The following CCSER1 variants were observed in gnomAD, a reference collection of about 807,000 sequenced individuals.
CCSER1 encodes serine-rich coiled-coil domain-containing protein 1.
Under a neutral mutation model 82.0 loss-of-function variants are expected in CCSER1, and 41 were observed. That is an observed-to-expected ratio of 0.50 (90% CI 0.39 to 0.65). CCSER1 has a LOEUF of 0.65. Among genes scored for constraint, CCSER1 ranks in the 30% least tolerant of loss-of-function variants. CCSER1 has a pLI of 0.00. For missense variants in CCSER1, 1,119 were observed against 1,064.2 expected, an observed-to-expected ratio of 1.05 and a Z score of -0.72; for synonymous variants, 414 against 383.9, an observed-to-expected ratio of 1.08 and a Z score of -0.92.
At chr4:91,329,554 C>T (rs1049046569) in intron 10 of CCSER1, among the ~76,000 whole-genome samples, 15 of 152,224 alleles carry the variant, frequency 9.9e-5, no homozygotes, top group African/African-American at 2.4e-4. Context: ...TTTTGGAGAA[C>T]GAAAACTCCA....
At chr4:90,692,334 T>G (rs1736161867) in intron 6 of CCSER1, among the ~76,000 whole-genome samples, 1 of 151,910 alleles carries the variant, frequency 6.6e-6, no homozygotes, top group Admixed American at 6.6e-5. Context: ...TGCTGCTCAT[T>G]TCTAACTTCA....
chr4:91,464,415 A>AC (rs1560692373), intron 10 of CCSER1, among the ~76,000 whole-genome samples: 2 of 152,194 alleles, frequency 1.3e-5, no homozygotes, highest in African/African-American at 4.8e-5. Context: ...AAATATAAAG[A>AC]CCATCGATGC....
intron 8 of CCSER1, among the ~76,000 whole-genome samples, chr4:90,875,230 G>T (rs7689600): frequency 0.013 from 1,932 of 152,180 alleles, 35 homozygotes; most frequent in African/African-American, 0.044. Flanking sequence ...TCACATCAAA[G>T]AAAAGGGGGA....
At chr4:91,473,082 G>A (rs1560699373) in intron 10 of CCSER1, among the ~76,000 whole-genome samples, 1 of 152,104 alleles carries the variant, frequency 6.6e-6, no homozygotes, top group African/African-American at 2.4e-5. Context: ...CCAATGCCCA[G>A]TATTACATGG....
chr4:91,342,307 A>T (rs551242892), intron 10 of CCSER1, among the ~76,000 whole-genome samples: 4 of 152,340 alleles, frequency 2.6e-5, no homozygotes, highest in African/African-American at 9.6e-5. Context: ...ATCTAAAGCT[A>T]GACATATTAG....
intron 5 of CCSER1, among the ~76,000 whole-genome samples, chr4:90,559,809 C>CA (rs1236087772): frequency 0.069 from 2,752 of 39,600 alleles, 506 homozygotes; most frequent in South Asian, 0.1. Context: ...GACTCCGTCT[C>CA]AAAAAAAAAA....
intron 10 of CCSER1, among the ~76,000 whole-genome samples, chr4:91,558,113 A>G (rs1471184827): frequency 6.6e-6 from 1 of 150,716 alleles, no homozygotes; most frequent in Non-Finnish European, 1.5e-5. Context: ...TAAAAAAAAT[A>G]TATTTCATTA....
chr4:90,293,278 G>A (rs973294935), intron 1 of CCSER1, among the ~76,000 whole-genome samples: 4 of 151,488 alleles, frequency 2.6e-5, no homozygotes, highest in Non-Finnish European at 5.9e-5. Context: ...TAAAAATATA[G>A]ATCCTATACA....
At chr4:91,450,801 A>C (rs543251044) in intron 10 of CCSER1, among the ~76,000 whole-genome samples, 1 of 152,076 alleles carries the variant, frequency 6.6e-6, no homozygotes, top group Admixed American at 6.6e-5. Context: ...AAACTACTCA[A>C]TGCTAAAAAA....
At chr4:91,061,125 C>T (rs1581450541) in intron 9 of CCSER1, among the ~76,000 whole-genome samples, 1 of 151,786 alleles carries the variant, frequency 6.6e-6, no homozygotes, top group African/African-American at 2.4e-5. Flanking sequence ...AAATGTATTG[C>T]ACTTTATAGG....
At chr4:90,352,287 G>T (rs1011440976) in intron 3 of CCSER1, among the ~76,000 whole-genome samples, 1 of 152,070 alleles carries the variant, frequency 6.6e-6, no homozygotes. Flanking sequence ...TTGCGCCACT[G>T]CACTCCAGCC....
At chr4:90,495,381 C>T (rs1298739774) in intron 5 of CCSER1, among the ~76,000 whole-genome samples, 1 of 152,088 alleles carries the variant, frequency 6.6e-6, no homozygotes, top group Non-Finnish European at 1.5e-5. Context: ...TACTTAATCT[C>T]CCAGGTTGGT....
At chr4:91,180,572 A>G (rs1388931894) in intron 10 of CCSER1, among the ~76,000 whole-genome samples, 2 of 152,190 alleles carry the variant, frequency 1.3e-5, no homozygotes, top group East Asian at 1.9e-4. Flanking sequence ...CTGTGCTAGT[A>G]GTGAGTGAGG....
Position 90,431,953 on chromosome 4 carries a change from T to G in CCSER1, c.1603+31824T>G, listed in dbSNP as rs571861922. 5.7e-4 allele frequency among the ~76,000 whole-genome samples: 86 copies of G among 152,174 alleles called. No homozygotes were observed. The Middle Eastern group carries it at 0.01, about 18-fold the overall frequency. On this transcript the variant is annotated intron_variant, in intron 4 of 10. Transcript: ENST00000509176. The stretch of plus-strand genomic sequence containing the variant: ...ACACTAATGCTGGCAAACTCTGGAT[T>G]TCTTGGAATATGTCACTGGTCATTG...
intron 10 of CCSER1, among the ~76,000 whole-genome samples, chr4:91,297,373 G>GTGTGTGTGTGTA (rs767244441): frequency 9.9e-6 from 1 of 101,358 alleles, no homozygotes; most frequent in Non-Finnish European, 2.1e-5. Context: ...GCTTGTGTGT[G>GTGTGTGTGTGTA]TGTGTGTGTG....
intron 10 of CCSER1, among the ~76,000 whole-genome samples, chr4:91,394,852 GTTTTT>G (rs542667344): frequency 2.1e-5 from 3 of 145,894 alleles, no homozygotes; most frequent in African/African-American, 7.5e-5. Flanking sequence ...CTATCCCACT[GTTTTT>G]TTTTTGAAAA....
intron 9 of CCSER1, among the ~76,000 whole-genome samples, chr4:90,992,283 C>T (rs760927916): frequency 6.6e-6 from 1 of 151,984 alleles, no homozygotes; most frequent in Non-Finnish European, 1.5e-5. Flanking sequence ...AAAGCAGATA[C>T]ATCGAGTGGG....
intron 10 of CCSER1, among the ~76,000 whole-genome samples, chr4:91,158,376 T>C (rs1433733618): frequency 6.6e-6 from 1 of 151,980 alleles, no homozygotes; most frequent in African/African-American, 2.4e-5. Flanking sequence ...ATTATAGCCC[T>C]GGAATCCTTC....
chr4:90,236,597 T>C (rs1358734963), intron 1 of CCSER1, among the ~76,000 whole-genome samples: 1 of 152,176 alleles, frequency 6.6e-6, no homozygotes, highest in Non-Finnish European at 1.5e-5. Context: ...TTTTCCCTAA[T>C]TGAGAATATG....
Sources: allele counts gnomAD v4.1 joint callset (sites outside exome capture counted in the v4.1 genomes callset), GRCh38; gene constraint gnomAD v4.1.1; transcripts MANE v1.5; gene names NCBI Gene and HGNC (gene_info 2026-07-23, HGNC 2026-07-21).